CCDC30: variants seen among roughly 807,000 people sequenced by gnomAD.
The protein encoded by CCDC30 is coiled-coil domain-containing protein 30.
CCDC30 carries 70 observed loss-of-function variants against 100.2 expected under a neutral mutation model. The observed-to-expected ratio is 0.70, with a 90% CI of 0.58 to 0.85. The LOEUF (loss-of-function observed/expected upper bound fraction) is 0.85, where lower values mean the gene tolerates loss of function less well. Ranked by LOEUF, CCDC30 falls within the 40% of genes least tolerant of loss-of-function variation. The pLI, the probability that CCDC30 is intolerant of heterozygous loss-of-function variation, is 0.00. For synonymous variants in CCDC30, 233 were observed against 269.5 expected (o/e 0.86, Z 1.33); for missense variants, 652 against 771.2 (o/e 0.85, Z 1.83).
rs555229153 is a variant in CCDC30, at chr1:42,586,970, TG to T, written c.1002-2350del. On this transcript the variant is annotated intron_variant, in intron 9 of 16. Transcript: ENST00000668663. The stretch of plus-strand genomic sequence containing the variant: ...ATTAACTTCTCGCATATTCTTGAGT[TG>T]CTCTTTTAATTTTGACTTCCGAATT... Among the ~76,000 whole-genome samples the T allele has an allele frequency of 1.1e-3, 172 of 152,248 alleles. 2 individuals are homozygous for T. The highest frequency in any genetic ancestry group is 3.9e-3 in the African/African-American group (161 of 41,552).
rs113284076 is a variant in CCDC30, at chr1:42,642,000, C to T, written c.1420-473C>T. The stretch of plus-strand genomic sequence containing the variant: ...CAGCAATTTGGGAGGCCAAGGTGGG[C>T]GGATCACAAGGTCAGGAGATCGAGA... On this transcript the variant is annotated intron_variant, in intron 12 of 16. Coordinates refer to ENST00000668663, the Ensembl canonical transcript of CCDC30. 9.3e-3 allele frequency among the ~76,000 whole-genome samples: 1,420 copies of T among 152,114 alleles called. 14 individuals are homozygous for T. Among genetic ancestry groups the T allele is most frequent in the African/African-American group, 0.03 (1,248 of 41,492 alleles).
chr1:42,601,613 G>T (rs1396413458), intron 10 of CCDC30, among the ~76,000 whole-genome samples: 1 of 152,166 alleles, frequency 6.6e-6, no homozygotes, highest in South Asian at 2.1e-4. Flanking sequence ...TTGGCTTAAG[G>T]CACCCATCTA....
At chr1:42,540,635 G>T (rs1644993095) in intron 6 of CCDC30, among the ~76,000 whole-genome samples, 1 of 147,586 alleles carries the variant, frequency 6.8e-6, no homozygotes, top group Admixed American at 6.7e-5. Context: ...CCTTATCATT[G>T]TCTCTCTTTC....
At chr1:42,631,914 G>A (rs1188098525) in intron 11 of CCDC30, among the ~76,000 whole-genome samples, 1 of 152,120 alleles carries the variant, frequency 6.6e-6, no homozygotes, top group Admixed American at 6.5e-5. Context: ...CAAAAATGCT[G>A]TTTAAGAGCC....
At chr1:42,610,345 A>G (rs948447440) in intron 10 of CCDC30, among the ~76,000 whole-genome samples, 4 of 152,202 alleles carry the variant, frequency 2.6e-5, no homozygotes, top group African/African-American at 2.4e-5. Flanking sequence ...AGAACCAAAT[A>G]TTTTATCAGA....
At chr1:42,520,014 A>C (rs1644612714) in intron 6 of CCDC30, among the ~76,000 whole-genome samples, 1 of 152,086 alleles carries the variant, frequency 6.6e-6, no homozygotes. Flanking sequence ...TTCTTAGTAA[A>C]TATAATTAAA....
chr1:42,650,805 T>C (rs779232763), intron 15 of CCDC30, among the ~76,000 whole-genome samples: 4 of 151,910 alleles, frequency 2.6e-5, no homozygotes, highest in Non-Finnish European at 5.9e-5. Flanking sequence ...TCTTTAAATT[T>C]TTTGTAGCGA....
intron 10 of CCDC30, among the ~76,000 whole-genome samples, chr1:42,607,974 A>G (rs960724814): frequency 3.3e-5 from 5 of 152,210 alleles, no homozygotes; most frequent in African/African-American, 9.6e-5. Context: ...AAGATGTTGA[A>G]GTGGTCTACT....
chr1:42,591,326 G>C (rs1646181773), intron 10 of CCDC30: 1 of 152,270 alleles, frequency 6.6e-6, no homozygotes, highest in East Asian at 1.9e-4. Context: ...AATGGTTTAG[G>C]GGGCCAAGCA....
At chr1:42,629,186 C>T (rs1458811118) in intron 11 of CCDC30, among the ~76,000 whole-genome samples, 1 of 152,140 alleles carries the variant, frequency 6.6e-6, no homozygotes, top group East Asian at 1.9e-4. Context: ...TGAAGTACTC[C>T]CTTTAGCTTT....
At chr1:42,603,361 C>T (rs983371255) in intron 10 of CCDC30, among the ~76,000 whole-genome samples, 2 of 152,146 alleles carry the variant, frequency 1.3e-5, no homozygotes, top group Non-Finnish European at 2.9e-5. Context: ...AATCACCTCC[C>T]AAAGGCTATA....
At chr1:42,501,308 G>A (rs917071225) in intron 6 of CCDC30, among the ~76,000 whole-genome samples, 26 of 152,272 alleles carry the variant, frequency 1.7e-4, no homozygotes, top group South Asian at 2.1e-4. Flanking sequence ...TAAGGTTGGT[G>A]CCTTTATTAA....
At chr1:42,536,390 A>G (rs1400671049) in intron 6 of CCDC30, 86 bp from the exon 7 acceptor site, 8 of 794,398 alleles carry the variant, frequency 1.0e-5, no homozygotes. Context: ...TGATTTCATT[A>G]TTGAGTTAGA....
chr1:42,461,930 C>T (rs1569635094), upstream of CCDC30, among the ~76,000 whole-genome samples: 1 of 152,158 alleles, frequency 6.6e-6, no homozygotes, highest in South Asian at 2.1e-4. Context: ...TCAGTGGCTG[C>T]AGTACTGAAG....
At chr1:42,500,884 A>G (rs540334313) in intron 6 of CCDC30, among the ~76,000 whole-genome samples, 2 of 152,266 alleles carry the variant, frequency 1.3e-5, no homozygotes, top group African/African-American at 4.8e-5. Flanking sequence ...AAGCCGCTAC[A>G]CCTGGCCAAG....
chr1:42,610,274 CAA>C (rs1646591712), intron 10 of CCDC30, among the ~76,000 whole-genome samples: 1 of 152,216 alleles, frequency 6.6e-6, no homozygotes. Context: ...CAAAGCTAGC[CAA>C]GTCAGATAAC....
chr1:42,544,170 G>A (rs1476316843), intron 6 of CCDC30, among the ~76,000 whole-genome samples: 1 of 152,190 alleles, frequency 6.6e-6, no homozygotes, highest in Non-Finnish European at 1.5e-5. Flanking sequence ...TAGGATTACA[G>A]GCATGAGCCA....
At chr1:42,570,532 C>T (rs1372914417) in intron 7 of CCDC30, among the ~76,000 whole-genome samples, 2 of 152,008 alleles carry the variant, frequency 1.3e-5, no homozygotes, top group Admixed American at 6.6e-5. Flanking sequence ...AATGCCAGCA[C>T]ACTAGTGGCC....
chr1:42,513,674 A>G (rs1644513839), intron 6 of CCDC30, among the ~76,000 whole-genome samples: 2 of 152,206 alleles, frequency 1.3e-5, no homozygotes, highest in African/African-American at 4.8e-5. Context: ...TAAAACCTTA[A>G]TGAGGACTTC....
Sources: allele counts gnomAD v4.1 joint callset (sites outside exome capture counted in the v4.1 genomes callset), GRCh38; gene constraint gnomAD v4.1.1; transcripts MANE v1.5; gene names NCBI Gene and HGNC (gene_info 2026-07-23, HGNC 2026-07-21).